Variants in SLC27A4 observed in about 807,000 individuals in gnomAD.
SLC27A4 encodes the protein long-chain fatty acid transport protein 4.
A neutral mutation model predicts 64.4 loss-of-function variants in SLC27A4; 33 were observed. The observed-to-expected ratio is 0.51, with a 90% confidence interval of 0.39 to 0.68. The LOEUF (loss-of-function observed/expected upper bound fraction) is 0.68, where lower values mean the gene tolerates loss of function less well. Ranked by LOEUF, SLC27A4 falls within the 30% of genes least tolerant of loss-of-function variation. SLC27A4 has a pLI of 0.00. For missense variants in SLC27A4, 824 were observed against 883.5 expected (o/e 0.93, Z 0.85); for synonymous variants, 377 against 370.0 (o/e 1.02, Z -0.22).
rs760700892 is a variant in SLC27A4 at position 128,353,189 on chromosome 9, C to T, written c.1152C>T (p.Tyr384=). ...ACATACCCCAGGTGGCTGAGTTCTA[C>T]GGGGCCACAGAGTGCAACTGTAGCC... ...RFHIPQVAEF[Y]GATECNCSLG... Residue 384 remains tyrosine (Y), a synonymous_variant, in exon 8 of 13, where the codon TAC becomes TAT. Coordinates refer to ENST00000300456, the MANE Select transcript of SLC27A4 (RefSeq NM_005094.4). This position sits in a 1 kb window ranked among gnomAD's most constrained non-coding sequence, Gnocchi z 4.9. 37 of 1,614,032 alleles carry T rather than the reference C, an allele frequency of 2.3e-5. No individual in the cohort carries two copies. The highest frequency in any genetic ancestry group is 1.9e-4 in the South Asian group (17 of 91,084).
In SLC27A4 at chr9:128,360,624, T is replaced by C. The variant is rs1249406111; in HGVS notation, c.*133T>C. ...TCCATCCTGAGGTGCTGCCCCTCCA[T>C]CCAAAACTGCCAAGTGACTCATTGC... On this transcript the variant is annotated 3_prime_UTR_variant, in exon 13 of 13. Transcript: ENST00000300456. The C allele has an allele frequency of 9.9e-5, 88 of 889,212 alleles. No individual in the cohort carries two copies. Among genetic ancestry groups the C allele is most frequent in the Non-Finnish European group, 1.0e-4 (58 of 571,820 alleles). 55.1% of individuals were successfully genotyped at this position (889,212 alleles called of 1,614,324 possible).
At chr9:128,356,184 G>A (rs888922603) in intron 12 of SLC27A4, among the ~76,000 whole-genome samples, 3 of 152,196 alleles carry the variant, frequency 2.0e-5, no homozygotes, top group African/African-American at 7.2e-5. Flanking sequence ...CAAGCTGATA[G>A]GAAAGCAAAA....
At chr9:128,347,659 C>A (rs1227525712) in intron 3 of SLC27A4, among the ~76,000 whole-genome samples, 1 of 147,462 alleles carries the variant, frequency 6.8e-6, no homozygotes, top group Non-Finnish European at 1.5e-5. Flanking sequence ...CCAAGTGAGC[C>A]GAGATCATGC....
intron 12 of SLC27A4, among the ~76,000 whole-genome samples, chr9:128,358,204 C>T (rs1345981945): frequency 6.6e-6 from 1 of 152,210 alleles, no homozygotes; most frequent in African/African-American, 2.4e-5. Flanking sequence ...AGTAACTTAG[C>T]TGGGGCAAGA....
At chr9:128,342,917 GA>G (rs1445531978) in intron 1 of SLC27A4, 3 of 607,932 alleles carry the variant, frequency 4.9e-6, no homozygotes, top group Non-Finnish European at 8.8e-6. Context: ...CTCACTCTTG[GA>G]ATTCCTCACC....
intron 1 of SLC27A4, chr9:128,342,887 C>T (rs985589183): frequency 4.8e-5 from 28 of 580,490 alleles, no homozygotes; most frequent in Middle Eastern, 4.7e-4. Flanking sequence ...GACTATGAGA[C>T]GAGAACCAGC....
At chr9:128,340,927 G>A (rs1196752145) in intron 1 of SLC27A4, 89 bp downstream of exon 1, 2 of 490,628 alleles carry the variant, frequency 4.1e-6, no homozygotes, top group African/African-American at 2.0e-5. Context: ...CCAGGTGGGG[G>A]GCGCGCCCTG....
chr9:128,354,051 C>T lies in SLC27A4; in HGVS notation c.1324+510C>T, dbSNP rs75724811. 4.1e-3 allele frequency among the ~76,000 whole-genome samples: 624 copies of T among 152,024 alleles called. 5 individuals are homozygous for T. The highest frequency in any genetic ancestry group is 0.015 in the African/African-American group (603 of 41,362). On this transcript the variant is annotated intron_variant, in intron 9 of 12. Coordinates refer to ENST00000300456, the MANE Select transcript of SLC27A4 (RefSeq NM_005094.4). ...AGCCACCGCGCCCGGCCAAGCAATTCTCTTTTCTCACCCTCCTGAGTAGCT... is the reference window on the plus strand; with the variant it reads ...AGCCACCGCGCCCGGCCAAGCAATTTTCTTTTCTCACCCTCCTGAGTAGCT...
chr9:128,356,928 C>A (rs1361400400), intron 12 of SLC27A4, among the ~76,000 whole-genome samples: 1 of 151,498 alleles, frequency 6.6e-6, no homozygotes, highest in African/African-American at 2.4e-5. Flanking sequence ...CCCGTCTCTA[C>A]CAAAAATACA....
At chr9:128,346,671 T>C (rs1032593877) in intron 3 of SLC27A4, among the ~76,000 whole-genome samples, 6 of 151,818 alleles carry the variant, frequency 4.0e-5, no homozygotes, top group African/African-American at 1.5e-4. Context: ...CACTTCACTC[T>C]AGCCTGGCAG....
At chr9:128,343,391 C>G in intron 2 of SLC27A4, 98 bp downstream of exon 2, 1 of 1,422,252 alleles carries the variant, frequency 7.0e-7, no homozygotes, top group Non-Finnish European at 9.9e-7. Context: ...TCTCTACCAG[C>G]ACAGGGCAGC....
intron 12 of SLC27A4, among the ~76,000 whole-genome samples, chr9:128,356,016 G>A (rs978963126): frequency 3.4e-5 from 5 of 147,698 alleles, no homozygotes; most frequent in African/African-American, 1.3e-4. Flanking sequence ...GCTAAGCCTC[G>A]GGATACGGCT....
chr9:128,354,798 A>T (rs920219106), intron 9 of SLC27A4, among the ~76,000 whole-genome samples: 16 of 151,734 alleles, frequency 1.1e-4, no homozygotes, highest in African/African-American at 3.6e-4. Flanking sequence ...AAATAAAAAA[A>T]AAAAATTAGC....
rs191229424 is a variant in SLC27A4, at chr9:128,358,245, G to C, written c.1775-2089G>C. Among the ~76,000 whole-genome samples the C allele has an allele frequency of 7.2e-5, 11 of 152,268 alleles. No homozygotes were observed. In the East Asian group the frequency reaches 2.1e-3, roughly 29 times the overall value. ...TTAGATGGCCTCACCCACGTGTCTGGCTCTCGGCTGCTTACCTCTGCAGCA... is the reference window on the plus strand; with the variant it reads ...TTAGATGGCCTCACCCACGTGTCTGCCTCTCGGCTGCTTACCTCTGCAGCA... On this transcript the variant is annotated intron_variant, in intron 12 of 12. Coordinates refer to ENST00000300456, the MANE Select transcript of SLC27A4 (RefSeq NM_005094.4).
chr9:128,349,775 T>G (rs1476696671), intron 4 of SLC27A4, among the ~76,000 whole-genome samples: 3 of 152,182 alleles, frequency 2.0e-5, no homozygotes, highest in Non-Finnish European at 4.4e-5. Context: ...GCAATCCCTG[T>G]CGAGGGCTGC....
chr9:128,344,894 A>C (rs1733928834), intron 2 of SLC27A4, among the ~76,000 whole-genome samples: 1 of 152,162 alleles, frequency 6.6e-6, no homozygotes, highest in African/African-American at 2.4e-5. Flanking sequence ...CCCTCCATCC[A>C]TGAAGCTTTG....
Position 128,340,573 on chromosome 9 carries a change from C to A in SLC27A4, c.-272C>A. 4.6e-6 allele frequency: 1 copy of A among 216,882 alleles called. No individual in the cohort carries two copies. Among genetic ancestry groups the A allele is most frequent in the Non-Finnish European group, 8.9e-6 (1 of 112,432 alleles). 13.4% of individuals were successfully genotyped at this position (216,882 alleles called of 1,614,324 possible). On this transcript the variant is annotated 5_prime_UTR_variant, in exon 1 of 13. Transcript: ENST00000300456. ...CGCCGCCGGCTCTGTGGCTTGCCGG[C>A]TTCGGGGAAGGTGCGGCAGGCGGTG...
chr9:128,356,396 G>T (rs966943212), intron 12 of SLC27A4, among the ~76,000 whole-genome samples: 2 of 152,248 alleles, frequency 1.3e-5, no homozygotes, highest in African/African-American at 4.8e-5. Flanking sequence ...AGTGAGAGGG[G>T]CAGGCAGTGG....
rs767885744 is a variant in SLC27A4 at position 128,345,242 on chromosome 9, C to A, written c.249C>A (p.Thr83=). The change falls in exon 3 of 13, where the codon ACC becomes ACA. Residue 83 remains threonine (T), a synonymous_variant. Transcript: ENST00000300456. This position sits in a 1 kb window ranked among gnomAD's most constrained non-coding sequence, Gnocchi z 4.1. Reference sequence around the variant, plus strand: ...CAGTGCCCATTTTGTTTGCCTCTACCGTTCGGCGCCACCCCGACAAGACGG... The same window carrying A: ...CAGTGCCCATTTTGTTTGCCTCTACAGTTCGGCGCCACCCCGACAAGACGG... ...RRTVPILFAS[T]VRRHPDKTAL... 1.2e-6 allele frequency: 2 copies of A among 1,613,764 alleles called. No homozygotes were observed. Among genetic ancestry groups the A allele is most frequent in the African/African-American group, 2.7e-5 (2 of 74,908 alleles).
Sources: allele counts gnomAD v4.1 joint callset (sites outside exome capture counted in the v4.1 genomes callset), GRCh38; gene constraint gnomAD v4.1.1; non-coding constraint Gnocchi (gnomAD v3.1); transcripts MANE v1.5; gene names NCBI Gene and HGNC (gene_info 2026-07-23, HGNC 2026-07-21).